The following ZHX2 variants were observed in gnomAD, a reference collection of about 807,000 sequenced individuals.
ZHX2 encodes zinc fingers and homeoboxes 2, also known as zinc fingers and homeoboxes protein 2.
Under a neutral mutation model 21.9 loss-of-function variants are expected in ZHX2, and 6 were observed. The observed-to-expected ratio is 0.27, with a 90% CI of 0.15 to 0.54. The LOEUF is 0.54. Among genes scored for constraint, ZHX2 ranks in the 20% least tolerant of loss-of-function variants. ZHX2 has a pLI of 0.95. For missense variants in ZHX2, 908 were observed against 1,090.7 expected, an observed-to-expected ratio of 0.83 and a Z score of 2.36; for synonymous variants, 434 against 437.1, an observed-to-expected ratio of 0.99 and a Z score of 0.09.
At chr8:122,942,817 A>G (rs1321595969) in intron 2 of ZHX2, among the ~76,000 whole-genome samples, 1 of 152,114 alleles carries the variant, frequency 6.6e-6, no homozygotes, top group Non-Finnish European at 1.5e-5. Flanking sequence ...AAGGTCAGGA[A>G]ATGCCACCAC....
chr8:122,909,101 G>C (rs574238420), intron 2 of ZHX2, among the ~76,000 whole-genome samples: 5 of 152,294 alleles, frequency 3.3e-5, no homozygotes, highest in African/African-American at 9.6e-5. Context: ...AAGATCATCT[G>C]ATTTGGGTGT....
chr8:122,833,588 G>T (rs886696714), intron 1 of ZHX2, among the ~76,000 whole-genome samples: 1 of 152,166 alleles, frequency 6.6e-6, no homozygotes, highest in Non-Finnish European at 1.5e-5. Context: ...ATGGCCCAGA[G>T]GAGTCTGGGT....
At chr8:122,887,828 C>T (rs1466027375) in intron 2 of ZHX2, among the ~76,000 whole-genome samples, 1 of 152,064 alleles carries the variant, frequency 6.6e-6, no homozygotes, top group Non-Finnish European at 1.5e-5. Context: ...TCGCGCCGCC[C>T]CCACCACCCC....
chr8:122,957,451 G>A (rs1813335251), intron 3 of ZHX2, among the ~76,000 whole-genome samples: 1 of 141,064 alleles, frequency 7.1e-6, no homozygotes, highest in South Asian at 2.6e-4. Context: ...TGATATTTTG[G>A]AGGTCCATTG....
At chr8:122,798,510 C>T (rs1336561888) in intron 1 of ZHX2, among the ~76,000 whole-genome samples, 1 of 152,080 alleles carries the variant, frequency 6.6e-6, no homozygotes, top group Non-Finnish European at 1.5e-5. Context: ...AGTAAGGACC[C>T]GGCTGAGCAC....
chr8:122,824,058 G>A (rs191064733), intron 1 of ZHX2, among the ~76,000 whole-genome samples: 2 of 152,140 alleles, frequency 1.3e-5, no homozygotes, highest in Non-Finnish European at 2.9e-5. Flanking sequence ...GTTTAATTTT[G>A]TTGAGCTCAA....
chr8:122,955,073 G>GC (rs1488853811), intron 3 of ZHX2, among the ~76,000 whole-genome samples: 2 of 142,790 alleles, frequency 1.4e-5, no homozygotes, highest in African/African-American at 5.2e-5. Flanking sequence ...ATAAGCCGGG[G>GC]GGGGGGGGGT....
At chr8:122,921,804 T>C (rs1001973518) in intron 2 of ZHX2, among the ~76,000 whole-genome samples, 11 of 152,172 alleles carry the variant, frequency 7.2e-5, no homozygotes, top group Non-Finnish European at 1.2e-4. Flanking sequence ...ACCTAAAATA[T>C]ATACAATTTT....
intron 2 of ZHX2, among the ~76,000 whole-genome samples, chr8:122,928,329 C>T (rs994058162): frequency 2.0e-5 from 3 of 152,178 alleles, no homozygotes; most frequent in African/African-American, 7.2e-5. Flanking sequence ...TCCCCAGTGC[C>T]TACACCAGGG....
intron 2 of ZHX2, among the ~76,000 whole-genome samples, chr8:122,898,044 T>C (rs1235189150): frequency 6.6e-6 from 1 of 152,246 alleles, no homozygotes; most frequent in African/African-American, 2.4e-5. Context: ...GTATGCTGAC[T>C]GATTTGTCCA....
intron 1 of ZHX2, among the ~76,000 whole-genome samples, chr8:122,859,415 C>CT (rs1438314563): frequency 6.6e-6 from 1 of 152,214 alleles, no homozygotes; most frequent in East Asian, 1.9e-4. Context: ...TGCTCACACT[C>CT]TTCTAAGCAC....
At chr8:122,968,295 G>C (rs561034955) in intron 3 of ZHX2, among the ~76,000 whole-genome samples, 13 of 152,190 alleles carry the variant, frequency 8.5e-5, no homozygotes, top group African/African-American at 2.9e-4. Context: ...CCTGGCCTGT[G>C]GGTCTCAGCA....
At chr8:122,925,966 G>T (rs1344171985) in intron 2 of ZHX2, among the ~76,000 whole-genome samples, 1 of 152,130 alleles carries the variant, frequency 6.6e-6, no homozygotes, top group Non-Finnish European at 1.5e-5. Context: ...GGACTTTCTG[G>T]TGACGGCTTA....
intron 2 of ZHX2, among the ~76,000 whole-genome samples, chr8:122,913,094 A>C (rs1233824167): frequency 1.3e-5 from 2 of 152,188 alleles, no homozygotes; most frequent in East Asian, 3.8e-4. Flanking sequence ...TTCTGCCTCT[A>C]TAGACTTCAT....
intron 2 of ZHX2, among the ~76,000 whole-genome samples, chr8:122,940,380 C>T (rs1812811677): frequency 6.6e-6 from 1 of 152,316 alleles, no homozygotes; most frequent in African/African-American, 2.4e-5. Flanking sequence ...GGTCCAGACC[C>T]GGTCTACCTT....
intron 2 of ZHX2, among the ~76,000 whole-genome samples, chr8:122,917,298 C>T (rs936171807): frequency 1.3e-5 from 2 of 151,930 alleles, no homozygotes; most frequent in African/African-American, 2.4e-5. Context: ...CCTGCCCCTG[C>T]CAGAGTTGGG....
At chr8:122,797,434 G>C (rs1817633999) in intron 1 of ZHX2, among the ~76,000 whole-genome samples, 2 of 152,188 alleles carry the variant, frequency 1.3e-5, no homozygotes, top group Admixed American at 6.5e-5. Flanking sequence ...ATGACCGTCG[G>C]GCCAGTAGTG....
intron 2 of ZHX2, among the ~76,000 whole-genome samples, chr8:122,901,280 C>G (rs1269967780): frequency 6.6e-6 from 1 of 152,148 alleles, no homozygotes. Flanking sequence ...ACCCAACCTA[C>G]CTCCCCTGCT....
intron 2 of ZHX2, among the ~76,000 whole-genome samples, chr8:122,913,237 C>T (rs1820522101): frequency 6.6e-6 from 1 of 152,156 alleles, no homozygotes; most frequent in South Asian, 2.1e-4. Context: ...AAGAAGATTC[C>T]ATTGTATGGG....
Sources: allele counts gnomAD v4.1 joint callset (sites outside exome capture counted in the v4.1 genomes callset), GRCh38; gene constraint gnomAD v4.1.1; transcripts MANE v1.5; gene names NCBI Gene and HGNC (gene_info 2026-07-23, HGNC 2026-07-21).